Variants in MAF observed in about 807,000 individuals in gnomAD.
MAF encodes the protein transcription factor Maf.
MAF carries 10 observed loss-of-function variants against 22.0 expected under a neutral mutation model. That is an observed-to-expected ratio of 0.45 (90% CI 0.28 to 0.77). The LOEUF (loss-of-function observed/expected upper bound fraction) is 0.77, where lower values mean the gene tolerates loss of function less well. Among genes scored for constraint, MAF ranks in the 30% least tolerant of loss-of-function variants. The pLI is 0.12. For missense variants in MAF, 544 were observed against 548.4 expected, an observed-to-expected ratio of 0.99 and a Z score of 0.08; for synonymous variants, 337 against 255.8, an observed-to-expected ratio of 1.32 and a Z score of -3.03.
the MAF span, chr16:79,212,040 G>T: frequency 6.5e-7 from 1 of 1,536,176 alleles, no homozygotes; most frequent in African/African-American, 1.4e-5. Flanking sequence ...GTGGTGGCCT[G>T]TTTGAAAGTA....
the MAF span, among the ~76,000 whole-genome samples, chr16:79,219,778 T>C: frequency 6.6e-6 from 1 of 152,134 alleles, no homozygotes; most frequent in African/African-American, 2.4e-5. Context: ...CCTACCGTGC[T>C]TTATTTTCAA....
the MAF span, among the ~76,000 whole-genome samples, chr16:79,214,836 G>C: frequency 7.0e-6 from 1 of 143,362 alleles, no homozygotes; most frequent in African/African-American, 2.6e-5. Context: ...CCATCCTTCA[G>C]AGTAGCTGGG....
chr16:79,318,570 G>A, the MAF span, among the ~76,000 whole-genome samples: 10 of 152,204 alleles, frequency 6.6e-5, no homozygotes, highest in East Asian at 7.7e-4. Flanking sequence ...CATCTAAGTC[G>A]GCAGATGATT....
At chr16:79,323,661 G>C in the MAF span, among the ~76,000 whole-genome samples, 1 of 152,176 alleles carries the variant, frequency 6.6e-6, no homozygotes, top group African/African-American at 2.4e-5. Context: ...ACCGAGGTGA[G>C]CTGAGGGCTC....
At chr16:79,259,836 A>G in the MAF span, among the ~76,000 whole-genome samples, 3 of 152,076 alleles carry the variant, frequency 2.0e-5, no homozygotes, top group Non-Finnish European at 4.4e-5. Context: ...AGGAGGGTGG[A>G]TTTGATTTAA....
chr16:79,496,954 G>A, the MAF span, among the ~76,000 whole-genome samples: 1 of 152,198 alleles, frequency 6.6e-6, no homozygotes, highest in Non-Finnish European at 1.5e-5. Flanking sequence ...ATTGGTTGAT[G>A]TAATTCTTGG....
chr16:79,318,720 C>T, the MAF span, among the ~76,000 whole-genome samples: 7 of 152,182 alleles, frequency 4.6e-5, no homozygotes, highest in Non-Finnish European at 7.3e-5. Context: ...ACAGTATTTG[C>T]ACCTGTTCCC....
At chr16:79,561,994 A>T in the MAF span, among the ~76,000 whole-genome samples, 1 of 152,316 alleles carries the variant, frequency 6.6e-6, no homozygotes, top group East Asian at 1.9e-4. Context: ...CCCCAGGCTC[A>T]CAATCACTTA....
chr16:79,409,404 G>A, the MAF span, among the ~76,000 whole-genome samples: 2,524 of 152,254 alleles, frequency 0.017, 84 homozygotes, highest in African/African-American at 0.058. Flanking sequence ...TCAATTGAAG[G>A]CTGAGAGACA....
downstream of MAF, among the ~76,000 whole-genome samples, chr16:79,590,331 G>GCT (rs1179873117): frequency 6.6e-6 from 1 of 152,158 alleles, no homozygotes; most frequent in African/African-American, 2.4e-5. Flanking sequence ...TGCACCAAAA[G>GCT]CTCTGGCCAG....
the MAF span, among the ~76,000 whole-genome samples, chr16:79,236,389 C>G: frequency 2.6e-5 from 4 of 151,966 alleles, no homozygotes; most frequent in African/African-American, 7.2e-5. Flanking sequence ...GAGCCACATC[C>G]TGGGGGAAGT....
chr16:79,234,899 T>A, the MAF span, among the ~76,000 whole-genome samples: 1 of 152,006 alleles, frequency 6.6e-6, no homozygotes, highest in Non-Finnish European at 1.5e-5. Flanking sequence ...TGACCTGCCC[T>A]CGCGTTGCTG....
the MAF span, among the ~76,000 whole-genome samples, chr16:79,266,638 C>T: frequency 3.3e-5 from 5 of 152,338 alleles, no homozygotes; most frequent in African/African-American, 7.2e-5. Context: ...AAGAATTAAG[C>T]TTCCAAGCTT....
chr16:79,596,271 G>A, intron 1 of MAF: 2 of 1,060,194 alleles, frequency 1.9e-6, no homozygotes, highest in Non-Finnish European at 2.3e-6. Context: ...AGAAAAAAAT[G>A]AGGTCATAAT....
the MAF span, among the ~76,000 whole-genome samples, chr16:79,506,316 G>C: frequency 4.6e-5 from 7 of 152,174 alleles, no homozygotes; most frequent in African/African-American, 1.7e-4. Flanking sequence ...CAAAGTCCAA[G>C]GCCTTGGGTT....
the MAF span, among the ~76,000 whole-genome samples, chr16:79,220,748 A>G: frequency 1.3e-5 from 2 of 152,188 alleles, no homozygotes; most frequent in Non-Finnish European, 2.9e-5. Flanking sequence ...CTGGGTAGTT[A>G]CTGGCAAGAT....
At chr16:79,364,476 A>G in the MAF span, among the ~76,000 whole-genome samples, 1 of 152,324 alleles carries the variant, frequency 6.6e-6, no homozygotes, top group East Asian at 1.9e-4. Context: ...AACCTGGACC[A>G]CAGGAAGAGG....
At chr16:79,273,949 C>CTTTTTTTTTTTTTTTTTTTTTTTTTTT in the MAF span, among the ~76,000 whole-genome samples, 1 of 86,458 alleles carries the variant, frequency 1.2e-5, no homozygotes, top group Non-Finnish European at 2.2e-5. Flanking sequence ...TCGTGTCTGC[C>CTTTTTTTTTTTTTTTTTTTTTTTTTTT]TTTTTTTTTT....
At chr16:79,383,745 G>A in the MAF span, among the ~76,000 whole-genome samples, 1 of 152,212 alleles carries the variant, frequency 6.6e-6, no homozygotes, top group Non-Finnish European at 1.5e-5. Context: ...ATTTTTTGAT[G>A]CTCTCAAAAG....
Sources: allele counts gnomAD v4.1 joint callset (sites outside exome capture counted in the v4.1 genomes callset), GRCh38; gene constraint gnomAD v4.1.1; transcripts MANE v1.5; gene names NCBI Gene and HGNC (gene_info 2026-07-23, HGNC 2026-07-21).